The following LGALS4 variants were observed in gnomAD, a reference collection of about 807,000 sequenced individuals.
LGALS4 encodes the protein galectin 4.
Under a neutral mutation model 39.6 loss-of-function variants are expected in LGALS4, and 37 were observed. That is an observed-to-expected ratio of 0.93 (90% CI 0.72 to 1.23). The LOEUF is 1.23. Ranked by LOEUF, LGALS4 falls within the 50% of genes most tolerant of loss-of-function variation. The probability of loss-of-function intolerance (pLI) is 0.00; values close to 1 mark genes in which losing one functional copy is unlikely to be tolerated. For synonymous variants in LGALS4, 160 were observed against 165.5 expected, an observed-to-expected ratio of 0.97 and a Z score of 0.25; for missense variants, 397 against 433.2, an observed-to-expected ratio of 0.92 and a Z score of 0.74.
rs977270265 is a variant in LGALS4 at position 38,811,529 on chromosome 19, A to G, written c.134+902T>C. On this transcript the variant is annotated intron_variant, in intron 2 of 9. Transcript: ENST00000307751. ...TTAAATTAGTTGGGCATGGTGGCAC[A>G]TGTCTGTAGTCCCATCTGCTTGGAA... 2.0e-5 allele frequency among the ~76,000 whole-genome samples: 3 copies of G among 152,140 alleles called. No individual in the cohort carries two copies. In the South Asian group the frequency reaches 6.2e-4, roughly 32 times the overall value.
chr19:38,810,105 G>A (rs1231915104), intron 2 of LGALS4, among the ~76,000 whole-genome samples: 13 of 152,104 alleles, frequency 8.5e-5, no homozygotes, highest in Non-Finnish European at 1.6e-4. Context: ...CCCTCTCTCC[G>A]TTCCTTCTGT....
chr19:38,812,445 G>C lies in LGALS4; in HGVS notation c.120C>G (p.Ser40Arg), dbSNP rs767057278. 5 of 1,614,054 alleles carry C rather than the reference G, an allele frequency of 3.1e-6. No individual in the cohort carries two copies. The highest frequency in any genetic ancestry group is 4.2e-6 in the Non-Finnish European group (5 of 1,179,960). The change falls in exon 2 of 10, where the codon AGC (serine) becomes AGG (arginine). Residue 40 changes from serine to arginine, a missense_variant. By Grantham distance (110) the Ser-to-Arg change is moderately radical (BLOSUM62 -1). Coordinates refer to ENST00000307751, the MANE Select transcript of LGALS4 (RefSeq NM_006149.4). ...GAGGGTCTTACCGCTTCATGTGCTC[G>C]CTGGCCACTCCTTGGATGTAAACAG... ...GMSVYIQGVA[S>R]EHMKRFFVNF... is the part of the protein sequence containing the mutation.
intron 4 of LGALS4, 125 bp from the exon 5 acceptor site, chr19:38,804,020 A>G: frequency 9.3e-7 from 1 of 1,080,990 alleles, no homozygotes; most frequent in Middle Eastern, 2.5e-4. Flanking sequence ...CTCTGGCATC[A>G]AAGGGTGGCA....
At chr19:38,809,459 T>C (rs1478703058) in intron 2 of LGALS4, among the ~76,000 whole-genome samples, 1 of 151,660 alleles carries the variant, frequency 6.6e-6, no homozygotes, top group African/African-American at 2.4e-5. Context: ...GGATTACAGG[T>C]GTGAGACACC....
At position 38,806,322 on chromosome 19, in the gene LGALS4, C is replaced by T. The variant is rs894380833; in HGVS notation, c.474+139G>A. On this transcript the variant is annotated intron_variant, in intron 4 of 9. Coordinates refer to ENST00000307751, the MANE Select transcript of LGALS4 (RefSeq NM_006149.4). ...GGCGGAGCTTGCAGTGAGCCAAGAT[C>T]GCGCCACTGCACTCCAACCTGGGCG... The T allele has an allele frequency of 7.6e-5, 66 of 868,982 alleles. No homozygotes were observed. In the African/African-American group the frequency reaches 8.8e-4, roughly 12 times the overall value. The allele number at this position is 868,982 out of a possible 1,614,324, so 53.8% of individuals were successfully genotyped here.
chr19:38,809,982 C>T (rs1971473645), intron 2 of LGALS4, among the ~76,000 whole-genome samples: 1 of 152,164 alleles, frequency 6.6e-6, no homozygotes, highest in Non-Finnish European at 1.5e-5. Flanking sequence ...ATTCCGCACC[C>T]CTGGGCACAC....
Position 38,802,043 on chromosome 19 carries a change from G to C in LGALS4, c.774C>G (p.Ser258=). 6.2e-7 allele frequency: 1 copy of C among 1,614,174 alleles called. No individual in the cohort carries two copies. The highest frequency in any genetic ancestry group is 8.5e-7 in the Non-Finnish European group (1 of 1,180,022). ...GGTTGTGGGTGATCTTCTTCTCCTCGGATCCCCACGAGCCATTCAGAAGGC... is the reference window on the plus strand; with the variant it reads ...GGTTGTGGGTGATCTTCTTCTCCTCCGATCCCCACGAGCCATTCAGAAGGC... ...RNSLLNGSWG[S]EEKKITHNPF... is the part of the protein sequence containing the mutation. The change falls in exon 9 of 10, where the codon TCC becomes TCG. Residue 258 remains serine, a synonymous_variant. Coordinates refer to ENST00000307751, the MANE Select transcript of LGALS4 (RefSeq NM_006149.4).
intron 6 of LGALS4, 60 bp downstream of exon 6, chr19:38,803,682 C>T (rs752606765): frequency 3.1e-5 from 49 of 1,602,198 alleles, no homozygotes; most frequent in Non-Finnish European, 3.7e-5. Flanking sequence ...TTAGCTCCCC[C>T]TACCCCAATT....
intron 3 of LGALS4, among the ~76,000 whole-genome samples, chr19:38,807,775 G>A (rs1163431781): frequency 2.0e-5 from 3 of 152,198 alleles, no homozygotes; most frequent in Admixed American, 6.6e-5. Flanking sequence ...ATTTTGTTCT[G>A]TACTAAGAAA....
chr19:38,812,647 T>C, intron 1 of LGALS4, 128 bp from the exon 2 acceptor site: 1 of 983,048 alleles, frequency 1.0e-6, no homozygotes, highest in Non-Finnish European at 1.6e-6. Flanking sequence ...AGGTTGAAGA[T>C]GACGAGGGCC....
chr19:38,807,542 C>G (rs1310413481), intron 3 of LGALS4, among the ~76,000 whole-genome samples: 3 of 151,632 alleles, frequency 2.0e-5, no homozygotes, highest in Non-Finnish European at 4.4e-5. Flanking sequence ...AGGTGAGGAG[C>G]GCCTCTGCCC....
chr19:38,803,968 T>A, intron 4 of LGALS4, 73 bp from the exon 5 acceptor site: 2 of 1,496,872 alleles, frequency 1.3e-6, no homozygotes, highest in Non-Finnish European at 1.8e-6. Context: ...CGAGAGTGCC[T>A]GCCCTGGGGT....
chr19:38,812,343 G>T (rs1172224481), intron 2 of LGALS4, 88 bp downstream of exon 2: 10 of 1,127,752 alleles, frequency 8.9e-6, no homozygotes, highest in East Asian at 2.4e-5. Flanking sequence ...CCAGGGTGGG[G>T]TAAGGGCAGA....
At chr19:38,812,694 G>T (rs1424065553) in intron 1 of LGALS4, 148 bp downstream of exon 1, 3 of 991,310 alleles carry the variant, frequency 3.0e-6, no homozygotes, top group Non-Finnish European at 4.7e-6. Flanking sequence ...CTGAGGTCAG[G>T]GTAGGAGTAA....
At chr19:38,805,776 A>G (rs181270552) in intron 4 of LGALS4, among the ~76,000 whole-genome samples, 407 of 152,276 alleles carry the variant, frequency 2.7e-3, no homozygotes, top group Admixed American at 4.6e-3. Flanking sequence ...TGGGAAATAA[A>G]TGAATGTGGA....
At chr19:38,808,722 AC>A (rs763263055) in intron 3 of LGALS4, 21 bp downstream of exon 3, 3 of 1,603,216 alleles carry the variant, frequency 1.9e-6, no homozygotes, top group Non-Finnish European at 2.6e-6. Flanking sequence ...AGCTTGGGAA[AC>A]AAGAGAGAAA....
chr19:38,806,644 AAGGT>A, intron 3 of LGALS4, 49 bp from the exon 4 acceptor site: 1 of 1,605,932 alleles, frequency 6.2e-7, no homozygotes. Flanking sequence ...TGATCCTGGG[AAGGT>A]ACAAACAGGA....
chr19:38,802,309 G>T lies in LGALS4; in HGVS notation c.659+7C>A, dbSNP rs190785460. 2.5e-6 allele frequency: 4 copies of T among 1,613,302 alleles called. No homozygotes were observed. The African/African-American group carries it at 5.3e-5, about 22-fold the overall frequency. ...GGCTGGGGGTTCCCACCTAGTTTACGTTATACCTCTTGCCTGTGGGAGGCA... is the reference window on the plus strand; with the variant it reads ...GGCTGGGGGTTCCCACCTAGTTTACTTTATACCTCTTGCCTGTGGGAGGCA... On this transcript the variant is annotated splice_region_variant and intron_variant, in intron 8 of 9. Coordinates refer to ENST00000307751, the MANE Select transcript of LGALS4 (RefSeq NM_006149.4).
At position 38,806,466 on chromosome 19, in the gene LGALS4, G is replaced by T; in HGVS notation, c.469C>A (p.Pro157Thr). 3 of 1,614,218 alleles carry T rather than the reference G, an allele frequency of 1.9e-6. No homozygotes were observed. Among genetic ancestry groups the T allele is most frequent in the East Asian group, 4.5e-5 (2 of 44,888 alleles). The change falls in exon 4 of 10, where the codon CCC becomes ACC. Residue 157 changes from proline (P) to threonine (T), a missense_variant. By Grantham distance (38) the Pro-to-Thr change is conservative. Transcript: ENST00000307751. ...INFIGGQPLR[P>T]QGPPMMPPYP... ...AGGGATGGGACCCCTCACACCTGGG[G>T]CCGGAGGGGCTGGCCTCCGATGAAG...
Sources: allele counts gnomAD v4.1 joint callset (sites outside exome capture counted in the v4.1 genomes callset), GRCh38; gene constraint gnomAD v4.1.1; transcripts MANE v1.5; gene names NCBI Gene and HGNC (gene_info 2026-07-23, HGNC 2026-07-21).